Variants in SLC5A7 observed in about 807,000 individuals in gnomAD.
SLC5A7 encodes the protein high affinity choline transporter 1.
Under a neutral mutation model 55.4 loss-of-function variants are expected in SLC5A7, and 19 were observed. The observed-to-expected ratio is 0.34, with a 90% CI of 0.24 to 0.50. SLC5A7 has a LOEUF of 0.50. Ranked by LOEUF, SLC5A7 falls within the 20% of genes least tolerant of loss-of-function variation. The probability of loss-of-function intolerance (pLI) is 0.98; values close to 1 mark genes in which losing one functional copy is unlikely to be tolerated. For missense variants in SLC5A7, 506 were observed against 705.3 expected, an observed-to-expected ratio of 0.72 and a Z score of 3.20; for synonymous variants, 265 against 263.7, an observed-to-expected ratio of 1.00 and a Z score of -0.05.
At chr2:108,009,025 C>G (rs551589175) in intron 8 of SLC5A7, among the ~76,000 whole-genome samples, 406 of 152,008 alleles carry the variant, frequency 2.7e-3, no homozygotes, top group South Asian at 6.3e-3. Context: ...TTCTCTATGA[C>G]ACTGGAAAAT....
At chr2:107,990,945 T>A (rs1677430555) in intron 2 of SLC5A7, among the ~76,000 whole-genome samples, 1 of 152,214 alleles carries the variant, frequency 6.6e-6, no homozygotes, top group Admixed American at 6.5e-5. Flanking sequence ...AAATTTTTAT[T>A]ACCAACCTGT....
chr2:107,992,031 G>A, intron 2 of SLC5A7, 75 bp from the exon 3 acceptor site: 1 of 818,202 alleles, frequency 1.2e-6, no homozygotes, highest in Non-Finnish European at 2.0e-6. Flanking sequence ...ACTTCTAGTA[G>A]CCACTGGTTT....
chr2:108,002,032 C>T lies in SLC5A7; in HGVS notation c.733C>T (p.Leu245=). ...AGTCTACTCTTGGCTTGATAGTTTT[C>T]TGTTGTTGGTAAGTAATGCTCTTAC... ...SEVYSWLDSF[L]LLMLGGIPWQ... is the part of the protein sequence containing the mutation. The change falls in exon 6 of 9, where the codon CTG becomes TTG. Residue 245 remains leucine (L), a synonymous_variant. Transcript: ENST00000264047. 6.2e-7 allele frequency: 1 copy of T among 1,613,856 alleles called. No homozygotes were observed.
intron 5 of SLC5A7, among the ~76,000 whole-genome samples, chr2:107,999,131 G>A (rs547063542): frequency 2.0e-4 from 31 of 152,096 alleles, no homozygotes; most frequent in South Asian, 8.3e-4. Flanking sequence ...ATGGAATTTC[G>A]TCCATTCATA....
chr2:107,993,236 A>G lies in SLC5A7; in HGVS notation c.448+109A>G, dbSNP rs333218. On this transcript the variant is annotated intron_variant, in intron 4 of 8. Transcript: ENST00000264047. ...TTCTGAGGACATTTTTATTAAAACC[A>G]TATGCTGAACCATATTTATATGCAT... The G allele has an allele frequency of 1.8e-3, 2,188 of 1,194,378 alleles. 31 individuals are homozygous for G. In the African/African-American group the frequency reaches 0.03, roughly 16 times the overall value. 74.0% of individuals were successfully genotyped at this position (1,194,378 alleles called of 1,614,324 possible). A position where few individuals can be genotyped will look rare whatever the true frequency, so the allele number is the denominator to read the frequency against.
intron 6 of SLC5A7, among the ~76,000 whole-genome samples, chr2:108,005,127 A>T (rs2104371219): frequency 6.6e-6 from 1 of 152,238 alleles, no homozygotes; most frequent in East Asian, 1.9e-4. Context: ...ACAACGTAAA[A>T]TTAATATACA....
At chr2:107,998,976 C>T (rs757436719) in intron 5 of SLC5A7, among the ~76,000 whole-genome samples, 73 of 152,154 alleles carry the variant, frequency 4.8e-4, no homozygotes, top group Non-Finnish European at 8.8e-4. Context: ...TTTTTATAAA[C>T]TTTCCATCAT....
At position 108,012,596 on chromosome 2, in the gene SLC5A7, A is replaced by C. The variant is rs1265055782; in HGVS notation, c.*1735A>C. On this transcript the variant is annotated 3_prime_UTR_variant, in exon 9 of 9. Transcript: ENST00000264047. ...TCTCATATTTTCAGTGCTTTCTCAA[A>C]ATTTGATGGTGAATATTACATTGCA... 6.6e-6 allele frequency: 1 copy of C among 152,126 alleles called. No homozygotes were observed. The highest frequency in any genetic ancestry group is 2.4e-5 in the African/African-American group (1 of 41,430). 9.4% of individuals were successfully genotyped at this position (152,126 alleles called of 1,614,324 possible).
chr2:108,002,781 CTGAGGTGGAAGCCTCACTT>C (rs138097960), intron 6 of SLC5A7, among the ~76,000 whole-genome samples: 4,199 of 152,138 alleles, frequency 0.028, 188 homozygotes, highest in African/African-American at 0.095. Context: ...CTTTGCCAGT[CTGAGGTGGAAGCCTCACTT>C]TGAGGCCAGG....
chr2:107,995,464 A>T (rs886444333), intron 4 of SLC5A7, among the ~76,000 whole-genome samples: 2,036 of 128,948 alleles, frequency 0.016, 45 homozygotes, highest in African/African-American at 0.051. Flanking sequence ...AGAGAGAGAG[A>T]GAGAGAGTGT....
chr2:108,010,757 C>T lies in SLC5A7; in HGVS notation c.1639C>T (p.Pro547Ser), dbSNP rs754235411. Residue 547 changes from proline to serine, a missense_variant, in exon 9 of 9, where the codon CCA becomes TCA. Pro to Ser is a moderately conservative substitution (Grantham distance 74). Coordinates refer to ENST00000264047, the MANE Select transcript of SLC5A7 (RefSeq NM_021815.5). ...IKLDELALVK[P>S]RQSMTLSSTF... ...ATTAGATGAACTTGCACTTGTGAAG[C>T]CACGACAGAGCATGACCCTCAGCTC... 3 of 1,613,670 alleles carry T rather than the reference C, an allele frequency of 1.9e-6. No homozygotes were observed. The highest frequency in any genetic ancestry group is 4.5e-5 in the East Asian group (2 of 44,860).
chr2:108,010,881 T>G lies in SLC5A7; in HGVS notation c.*20T>G. On this transcript the variant is annotated 3_prime_UTR_variant, in exon 9 of 9. Coordinates refer to ENST00000264047, the MANE Select transcript of SLC5A7 (RefSeq NM_021815.5). Reference sequence around the variant, plus strand: ...CAGTGACCCCATCTAAATAAAATACTGCTTTTGCAAACAGAACACTGTAAT... The same window carrying G: ...CAGTGACCCCATCTAAATAAAATACGGCTTTTGCAAACAGAACACTGTAAT... 1 of 1,540,336 alleles carries G rather than the reference T, an allele frequency of 6.5e-7. No individual in the cohort carries two copies. Among genetic ancestry groups the G allele is most frequent in the Non-Finnish European group, 8.7e-7 (1 of 1,154,744 alleles).
intron 8 of SLC5A7, 27 bp from the exon 9 acceptor site, chr2:108,010,205 A>T: frequency 6.2e-7 from 1 of 1,600,302 alleles, no homozygotes; most frequent in Non-Finnish European, 8.5e-7. Context: ...CTGTGCAAAA[A>T]GCTGACACTG....
intron 6 of SLC5A7, 59 bp from the exon 7 acceptor site, chr2:108,005,990 A>G (rs1678100859): frequency 6.2e-6 from 10 of 1,600,614 alleles, no homozygotes; most frequent in Admixed American, 1.7e-5. Context: ...TGATTGCAAT[A>G]AAACTCTTTA....
At chr2:107,994,456 G>A (rs527645624) in intron 4 of SLC5A7, among the ~76,000 whole-genome samples, 34 of 152,124 alleles carry the variant, frequency 2.2e-4, no homozygotes, top group East Asian at 1.9e-4. Context: ...GGTGGCGGGC[G>A]CCTGTAGTCC....
intron 4 of SLC5A7, among the ~76,000 whole-genome samples, chr2:107,995,710 AC>A (rs1677646743): frequency 2.0e-5 from 3 of 152,220 alleles, no homozygotes; most frequent in Admixed American, 2.0e-4. Flanking sequence ...ATCTATTACC[AC>A]CTTTCTGTGA....
rs1306093495 is a variant in SLC5A7, at chr2:108,011,082, T to C, written c.*221T>C. ...TCATCCATAGTAGTATTGATTTTGATGCTAGATAGTTTTGCTAGGTATAAA... is the reference window on the plus strand; with the variant it reads ...TCATCCATAGTAGTATTGATTTTGACGCTAGATAGTTTTGCTAGGTATAAA... On this transcript the variant is annotated 3_prime_UTR_variant, in exon 9 of 9. Coordinates refer to ENST00000264047, the MANE Select transcript of SLC5A7 (RefSeq NM_021815.5). 2.5e-6 allele frequency: 1 copy of C among 395,222 alleles called. No individual in the cohort carries two copies. 24.5% of individuals were successfully genotyped at this position (395,222 alleles called of 1,614,324 possible). A position where few individuals can be genotyped will look rare whatever the true frequency, so the allele number is the denominator to read the frequency against.
At chr2:108,009,300 A>G (rs1302135913) in intron 8 of SLC5A7, among the ~76,000 whole-genome samples, 1 of 152,004 alleles carries the variant, frequency 6.6e-6, no homozygotes, top group African/African-American at 2.4e-5. Flanking sequence ...TTTTTAATTA[A>G]CCAAAGGAAC....
At position 108,010,868 on chromosome 2, in the gene SLC5A7, C is replaced by A. The variant is rs201884081; in HGVS notation, c.*7C>A. ...TGAAGATAATTTACAGTGACCCCAT[C>A]TAAATAAAATACTGCTTTTGCAAAC... is the stretch of plus-strand genomic sequence containing the variant. On this transcript the variant is annotated 3_prime_UTR_variant, in exon 9 of 9. Transcript: ENST00000264047. 457 of 1,555,800 alleles carry A rather than the reference C, an allele frequency of 2.9e-4. No homozygotes were observed. Among genetic ancestry groups the A allele is most frequent in the Non-Finnish European group, 2.3e-4 (271 of 1,160,552 alleles).
Sources: allele counts gnomAD v4.1 joint callset (sites outside exome capture counted in the v4.1 genomes callset), GRCh38; gene constraint gnomAD v4.1.1; transcripts MANE v1.5; gene names NCBI Gene and HGNC (gene_info 2026-07-23, HGNC 2026-07-21).